The following OLFM3 variants were observed in gnomAD, a reference collection of about 807,000 sequenced individuals.
OLFM3 encodes the protein olfactomedin 3.
A neutral mutation model predicts 48.6 loss-of-function variants in OLFM3; 20 were observed. The ratio of observed to expected loss-of-function variants is 0.41; its 90% CI spans 0.29 to 0.60. The LOEUF is 0.60. OLFM3 is among the 20% of genes least tolerant of loss of function. The pLI is 0.28. For missense variants in OLFM3, 437 were observed against 544.3 expected (o/e 0.80, Z 1.96); for synonymous variants, 222 against 198.1 (o/e 1.12, Z -1.01).
In OLFM3 at chr1:101,960,151, G is replaced by A. The variant is rs191026892; in HGVS notation, c.69+36597C>T. Among the ~76,000 whole-genome samples the A allele has an allele frequency of 1.7e-3, 259 of 152,272 alleles. 2 individuals are homozygous for A. Among genetic ancestry groups the A allele is most frequent in the African/African-American group, 6.1e-3 (253 of 41,572 alleles). On this transcript the variant is annotated intron_variant, in intron 1 of 5. Coordinates refer to ENST00000370103, the MANE Select transcript of OLFM3 (RefSeq NM_058170.4). Reference sequence around the variant, plus strand: ...ATGTAATTGTGTACCAAAAGCACTAGCAAAAACAGTGGTTGGTACCTAGAG... The same window carrying A: ...ATGTAATTGTGTACCAAAAGCACTAACAAAAACAGTGGTTGGTACCTAGAG...
At chr1:101,987,939 T>G (rs912851593) in intron 1 of OLFM3, among the ~76,000 whole-genome samples, 10 of 152,104 alleles carry the variant, frequency 6.6e-5, no homozygotes, top group Non-Finnish European at 1.2e-4. Context: ...TATTTAGAAG[T>G]TAAAATCCAA....
chr1:101,988,546 T>C (rs573673655), intron 1 of OLFM3, among the ~76,000 whole-genome samples: 21 of 152,242 alleles, frequency 1.4e-4, no homozygotes, highest in African/African-American at 4.8e-4. Context: ...CAGTATCTTG[T>C]CTGATGGAAA....
chr1:101,854,533 T>C (rs968051852), intron 1 of OLFM3, among the ~76,000 whole-genome samples: 1 of 152,016 alleles, frequency 6.6e-6, no homozygotes, highest in East Asian at 1.9e-4. Flanking sequence ...CATTTTTTTT[T>C]CTCTTTCTAC....
intron 1 of OLFM3, among the ~76,000 whole-genome samples, chr1:101,873,990 A>G (rs566998523): frequency 6.6e-6 from 1 of 151,920 alleles, no homozygotes; most frequent in African/African-American, 2.4e-5. Flanking sequence ...AAAATGTAAT[A>G]TGGCTTCAAC....
At chr1:101,892,847 G>A (rs1658057038) in intron 1 of OLFM3, among the ~76,000 whole-genome samples, 1 of 152,010 alleles carries the variant, frequency 6.6e-6, no homozygotes, top group Non-Finnish European at 1.5e-5. Context: ...ACAAGTGTTT[G>A]TCCTCTCTAT....
chr1:101,835,169 A>G (rs867453561), intron 2 of OLFM3, among the ~76,000 whole-genome samples: 3 of 152,346 alleles, frequency 2.0e-5, no homozygotes, highest in Middle Eastern at 3.4e-3. Context: ...GGTGAAGAAC[A>G]TTGATTATCT....
At chr1:101,992,761 G>T (rs1438607644) in intron 1 of OLFM3, among the ~76,000 whole-genome samples, 1 of 151,884 alleles carries the variant, frequency 6.6e-6, no homozygotes, top group Non-Finnish European at 1.5e-5. Flanking sequence ...AATTGTTATG[G>T]TATATTACAT....
intron 1 of OLFM3, among the ~76,000 whole-genome samples, chr1:101,913,306 C>T (rs938600767): frequency 2.0e-5 from 3 of 152,146 alleles, no homozygotes; most frequent in African/African-American, 7.2e-5. Context: ...GTTACTAATT[C>T]TGCATTAAAT....
At chr1:101,915,714 C>A (rs1461867098) in intron 1 of OLFM3, among the ~76,000 whole-genome samples, 3 of 152,166 alleles carry the variant, frequency 2.0e-5, no homozygotes, top group Non-Finnish European at 4.4e-5. Flanking sequence ...CCACACACAG[C>A]TGAGGATATT....
intron 1 of OLFM3, among the ~76,000 whole-genome samples, chr1:101,869,951 G>T (rs999978487): frequency 6.6e-6 from 1 of 152,080 alleles, no homozygotes; most frequent in Non-Finnish European, 1.5e-5. Context: ...AAATTACCCA[G>T]TCTCGAGCAG....
intron 1 of OLFM3, among the ~76,000 whole-genome samples, chr1:101,839,842 A>T (rs1332770088): frequency 6.6e-6 from 1 of 152,212 alleles, no homozygotes; most frequent in African/African-American, 2.4e-5. Flanking sequence ...CAATTGTCTT[A>T]TTGTAAGAAT....
chr1:101,871,254 A>G (rs1657073799), intron 1 of OLFM3, among the ~76,000 whole-genome samples: 1 of 152,120 alleles, frequency 6.6e-6, no homozygotes, highest in South Asian at 2.1e-4. Context: ...ATTGTCACTT[A>G]ACTATAAATC....
intron 1 of OLFM3, among the ~76,000 whole-genome samples, chr1:101,907,784 T>C (rs1264746890): frequency 6.6e-6 from 1 of 152,216 alleles, no homozygotes; most frequent in East Asian, 1.9e-4. Flanking sequence ...GATTCTTTTT[T>C]GCAAAAGGCG....
At position 101,804,860 on chromosome 1, in the gene OLFM3, A is replaced by G; in HGVS notation, c.755T>C (p.Ile252Thr). The stretch of plus-strand genomic sequence containing the variant: ...TTCAGCCCCACTGACAAAGTCTGCA[A>G]TTGATTTGTATTCACGAACAATTTT... ...NNKIVREYKS[I>T]ADFVSGAESR... The change falls in exon 6 of 6, where the codon ATT (isoleucine) becomes ACT (threonine). Residue 252 changes from isoleucine to threonine, a missense_variant. By Grantham distance (89) the Ile-to-Thr change is moderately conservative (BLOSUM62 -1). This residue lies in a region of OLFM3 where 314 missense variants were observed against 365.5 expected (regional missense o/e 0.86). Transcript: ENST00000370103. This position sits in a 1 kb window ranked among gnomAD's most constrained non-coding sequence, Gnocchi z 4.5. The G allele has an allele frequency of 6.2e-7, 1 of 1,612,274 alleles. No homozygotes were observed. Among genetic ancestry groups the G allele is most frequent in the Non-Finnish European group, 8.5e-7 (1 of 1,178,908 alleles).
At chr1:101,808,688 G>T (rs1271407889) in intron 4 of OLFM3, among the ~76,000 whole-genome samples, 1 of 151,858 alleles carries the variant, frequency 6.6e-6, no homozygotes, top group Non-Finnish European at 1.5e-5. Flanking sequence ...AATGACGTTG[G>T]TGGTTTCCCT....
chr1:101,907,560 T>C (rs954011658), intron 1 of OLFM3, among the ~76,000 whole-genome samples: 1 of 152,226 alleles, frequency 6.6e-6, no homozygotes, highest in African/African-American at 2.4e-5. Flanking sequence ...CAGGTAGGGA[T>C]AGCAAAGAGG....
chr1:101,937,759 C>T (rs2101055478), intron 1 of OLFM3, among the ~76,000 whole-genome samples: 1 of 152,322 alleles, frequency 6.6e-6, no homozygotes, highest in South Asian at 2.1e-4. Flanking sequence ...TTCACTTTTA[C>T]ATTTTCTTCA....
intron 1 of OLFM3, among the ~76,000 whole-genome samples, chr1:101,866,948 A>C (rs903490412): frequency 1.3e-5 from 2 of 152,200 alleles, no homozygotes. Flanking sequence ...GCCATTATTT[A>C]AACCCCAAAC....
At chr1:101,966,350 T>TGTGTGTGTGTGTGTGC (rs542204512) in intron 1 of OLFM3, among the ~76,000 whole-genome samples, 2 of 99,908 alleles carry the variant, frequency 2.0e-5, no homozygotes, top group African/African-American at 7.8e-5. Flanking sequence ...TGTGTGTGTG[T>TGTGTGTGTGTGTGTGC]GCGCTACAGA....
Sources: allele counts gnomAD v4.1 joint callset (sites outside exome capture counted in the v4.1 genomes callset), GRCh38; gene constraint gnomAD v4.1.1; regional missense constraint gnomAD v4.1.1; non-coding constraint Gnocchi (gnomAD v3.1); transcripts MANE v1.5; gene names NCBI Gene and HGNC (gene_info 2026-07-23, HGNC 2026-07-21).